ZC3H11A: variants seen among roughly 807,000 people sequenced by gnomAD.
ZC3H11A encodes the protein zinc finger CCCH domain-containing protein 11A.
ZC3H11A carries 22 observed loss-of-function variants against 90.8 expected under a neutral mutation model. That is an observed-to-expected ratio of 0.24 (90% CI 0.17 to 0.35). The LOEUF is 0.35. Among genes scored for constraint, ZC3H11A ranks in the 10% least tolerant of loss-of-function variants. The pLI, the probability that ZC3H11A is intolerant of heterozygous loss-of-function variation, is 1.00. For synonymous variants in ZC3H11A, 294 were observed against 339.8 expected, an observed-to-expected ratio of 0.87 and a Z score of 1.48; for missense variants, 701 against 964.9, an observed-to-expected ratio of 0.73 and a Z score of 3.62.
intron 2 of ZC3H11A, among the ~76,000 whole-genome samples, chr1:203,814,030 CTT>C (rs1343880826): frequency 6.6e-6 from 1 of 151,228 alleles, no homozygotes; most frequent in Non-Finnish European, 1.5e-5. Context: ...AGTTCAGATT[CTT>C]TATTCCTTTT....
intron 14 of ZC3H11A, among the ~76,000 whole-genome samples, chr1:203,849,264 C>G (rs1173241129): frequency 6.6e-6 from 1 of 152,194 alleles, no homozygotes; most frequent in Non-Finnish European, 1.5e-5. Flanking sequence ...TAATGGAGAA[C>G]TCTACAGTGT....
intron 12 of ZC3H11A, 110 bp downstream of exon 12, chr1:203,840,484 T>C: frequency 1.8e-6 from 2 of 1,094,936 alleles, no homozygotes; most frequent in South Asian, 1.6e-5. Flanking sequence ...TTTTGTTCTT[T>C]TGTAGTTCTG....
At chr1:203,809,172 G>GTTTTTTTT (rs33926996) in intron 2 of ZC3H11A, among the ~76,000 whole-genome samples, 18 of 83,268 alleles carry the variant, frequency 2.2e-4, no homozygotes, top group South Asian at 4.8e-4. Flanking sequence ...TCTTCTCACT[G>GTTTTTTTT]TTTTTTTTTT....
intron 10 of ZC3H11A, chr1:203,835,717 T>G (rs925269343): frequency 3.9e-6 from 1 of 256,802 alleles, no homozygotes; most frequent in African/African-American, 2.3e-5. Context: ...ACTCTGGTTT[T>G]GTTTGGTTTG....
chr1:203,829,413 C>T, intron 5 of ZC3H11A, 38 bp from the exon 6 acceptor site: 1 of 1,611,148 alleles, frequency 6.2e-7, no homozygotes, highest in South Asian at 1.1e-5. Flanking sequence ...GGGGTTGTAT[C>T]TTCTGTTTTT....
In ZC3H11A at chr1:203,852,470, T is replaced by C; in HGVS notation, c.*71T>C. On this transcript the variant is annotated 3_prime_UTR_variant, in exon 18 of 18. Coordinates refer to ENST00000367210, the MANE Select transcript of ZC3H11A (RefSeq NM_001376342.1). ...GACTTAGTTTCATCTATTGTAACATTTACCTGAGATGATCATTTCTTTAGT... is the reference window on the plus strand; with the variant it reads ...GACTTAGTTTCATCTATTGTAACATCTACCTGAGATGATCATTTCTTTAGT... The C allele has an allele frequency of 6.6e-7, 1 of 1,522,500 alleles. No individual in the cohort carries two copies. The highest frequency in any genetic ancestry group is 8.9e-7 in the Non-Finnish European group (1 of 1,123,304). 94.3% of individuals were successfully genotyped at this position (1,522,500 alleles called of 1,614,324 possible).
chr1:203,830,259 G>T, intron 8 of ZC3H11A, 56 bp downstream of exon 8: 2 of 1,395,354 alleles, frequency 1.4e-6, no homozygotes, highest in Non-Finnish European at 2.0e-6. Flanking sequence ...AGAATACTAA[G>T]GACGCTTCTA....
At chr1:203,845,448 T>C (rs1687622005) in intron 12 of ZC3H11A, among the ~76,000 whole-genome samples, 1 of 152,226 alleles carries the variant, frequency 6.6e-6, no homozygotes, top group African/African-American at 2.4e-5. Flanking sequence ...GGTACCTAAA[T>C]ACAGTCGTTG....
intron 11 of ZC3H11A, among the ~76,000 whole-genome samples, chr1:203,839,779 T>C (rs1685501273): frequency 6.6e-6 from 1 of 152,148 alleles, no homozygotes; most frequent in Non-Finnish European, 1.5e-5. Flanking sequence ...TTTTCAGATA[T>C]AAAGTACGTT....
intron 9 of ZC3H11A, among the ~76,000 whole-genome samples, chr1:203,833,517 C>T (rs1683148742): frequency 6.6e-6 from 1 of 151,376 alleles, no homozygotes; most frequent in Admixed American, 6.6e-5. Context: ...AGTGACAGAG[C>T]AAGAGTCTAT....
chr1:203,799,805 C>T, intron 1 of ZC3H11A: 1 of 1,346,922 alleles, frequency 7.4e-7, no homozygotes, highest in Non-Finnish European at 1.0e-6. Flanking sequence ...TGCTTAAATC[C>T]AAGCCCTGTA....
intron 12 of ZC3H11A, among the ~76,000 whole-genome samples, chr1:203,844,210 G>A (rs1687272466): frequency 6.6e-6 from 1 of 151,500 alleles, no homozygotes; most frequent in Non-Finnish European, 1.5e-5. Context: ...CATCCAGGCT[G>A]GAGTGCAGTG....
At chr1:203,818,440 A>G (rs989406419) in intron 3 of ZC3H11A, 130 bp from the exon 4 acceptor site, 19 of 1,231,238 alleles carry the variant, frequency 1.5e-5, no homozygotes, top group Admixed American at 4.8e-5. Flanking sequence ...TTCCATGTCC[A>G]TTGTTTTTTA....
At chr1:203,837,309 T>A (rs952263044) in intron 10 of ZC3H11A, among the ~76,000 whole-genome samples, 3 of 150,270 alleles carry the variant, frequency 2.0e-5, no homozygotes, top group Non-Finnish European at 4.5e-5. Context: ...AAAAAAGGGT[T>A]CTTTTGTACA....
intron 13 of ZC3H11A, 59 bp from the exon 14 acceptor site, chr1:203,848,272 T>A: frequency 7.2e-7 from 1 of 1,393,622 alleles, no homozygotes; most frequent in East Asian, 2.3e-5. Flanking sequence ...GTTTAACATA[T>A]CTATCATGAA....
chr1:203,851,098 G>T lies in ZC3H11A; in HGVS notation c.2148G>T (p.Val716=). 1 of 1,614,130 alleles carries T rather than the reference G, an allele frequency of 6.2e-7. No individual in the cohort carries two copies. Among genetic ancestry groups the T allele is most frequent in the Non-Finnish European group, 8.5e-7 (1 of 1,180,022 alleles). The part of the protein sequence containing the change: ...PLVSEDKSVT[V]PEAENPRDSL... ...TCTCTGAGGACAAATCAGTCACTGT[G>T]CCTGAAGCAGAAAATCCTAGAGACA... Residue 716 remains valine (V), a synonymous_variant, in exon 17 of 18, where the codon GTG becomes GTT. Coordinates refer to ENST00000367210, the MANE Select transcript of ZC3H11A (RefSeq NM_001376342.1).
chr1:203,828,464 C>A (rs1681262455), intron 5 of ZC3H11A, 42 bp downstream of exon 5: 1 of 1,564,520 alleles, frequency 6.4e-7, no homozygotes, highest in Non-Finnish European at 8.7e-7. Flanking sequence ...CAAATGAACA[C>A]CTATTATGCA....
chr1:203,800,832 A>G (rs1670344746), intron 1 of ZC3H11A: 1 of 158,846 alleles, frequency 6.3e-6, no homozygotes, highest in African/African-American at 2.4e-5. Context: ...AAATCAACGA[A>G]ATGAGAAAAA....
intron 4 of ZC3H11A, 52 bp from the exon 5 acceptor site, chr1:203,828,247 A>G: frequency 6.2e-7 from 1 of 1,608,510 alleles, no homozygotes; most frequent in African/African-American, 1.3e-5. Flanking sequence ...CTGCCACATG[A>G]ATATACGTAT....
Sources: gnomAD v4.1 joint callset for allele counts (sites outside exome capture counted in the v4.1 genomes callset) on GRCh38, gnomAD v4.1.1 for gene constraint, MANE v1.5 for transcripts, NCBI Gene and HGNC (gene_info 2026-07-23, HGNC 2026-07-21) for gene names.